The following VPS41 variants were observed in gnomAD, a reference collection of about 807,000 sequenced individuals.
VPS41 encodes vacuolar protein sorting-associated protein 41 homolog.
In VPS41, 85 loss-of-function variants were observed where a neutral mutation model predicts 130.9. The observed-to-expected ratio is 0.65, with a 90% CI of 0.55 to 0.78. The LOEUF is 0.78. Ranked by LOEUF, VPS41 falls within the 30% of genes least tolerant of loss-of-function variation. The probability of loss-of-function intolerance (pLI) is 0.00; values close to 1 mark genes in which losing one functional copy is unlikely to be tolerated. For synonymous variants in VPS41, 335 were observed against 332.9 expected, an observed-to-expected ratio of 1.01 and a Z score of -0.07; for missense variants, 874 against 1,018.7, an observed-to-expected ratio of 0.86 and a Z score of 1.93.
At chr7:38,836,611 ATTTTAAAT>A (rs1288058447) in intron 4 of VPS41, among the ~76,000 whole-genome samples, 1 of 152,150 alleles carries the variant, frequency 6.6e-6, no homozygotes, top group Non-Finnish European at 1.5e-5. Flanking sequence ...CTTATTACAC[ATTTTAAAT>A]TTTTATTTGG....
At chr7:38,771,118 T>C in intron 14 of VPS41, 80 bp downstream of exon 14, 1 of 1,035,862 alleles carries the variant, frequency 9.7e-7, no homozygotes, top group Non-Finnish European at 1.5e-6. Flanking sequence ...GAAAAACCTG[T>C]TCTTTTCAAA....
intron 1 of VPS41, among the ~76,000 whole-genome samples, chr7:38,907,737 C>T (rs1787298919): frequency 6.6e-6 from 1 of 152,024 alleles, no homozygotes; most frequent in Admixed American, 6.6e-5. Context: ...AATGGTTTTT[C>T]TAGGAGCAAC....
intron 11 of VPS41, chr7:38,775,385 T>C (rs1201828537): frequency 6.6e-6 from 1 of 152,186 alleles, no homozygotes; most frequent in Non-Finnish European, 1.5e-5. Context: ...CTTTGGCATT[T>C]ATTCCCTTCA....
intron 14 of VPS41, among the ~76,000 whole-genome samples, chr7:38,767,821 A>C (rs972808960): frequency 6.6e-6 from 1 of 152,214 alleles, no homozygotes; most frequent in Admixed American, 6.5e-5. Flanking sequence ...AGGTCAGGTC[A>C]TTAAAAAAAG....
intron 4 of VPS41, among the ~76,000 whole-genome samples, chr7:38,861,533 G>A (rs774787138): frequency 6.6e-6 from 1 of 152,160 alleles, no homozygotes; most frequent in Non-Finnish European, 1.5e-5. Context: ...TTCCCTGTCT[G>A]TGTTGCTCCA....
At chr7:38,780,974 C>T (rs1190150165) in intron 10 of VPS41, among the ~76,000 whole-genome samples, 1 of 152,282 alleles carries the variant, frequency 6.6e-6, no homozygotes, top group South Asian at 2.1e-4. Context: ...TCTCCCACTT[C>T]GTCTTCCACC....
At chr7:38,761,905 T>C (rs181593287) in intron 17 of VPS41, among the ~76,000 whole-genome samples, 2 of 152,244 alleles carry the variant, frequency 1.3e-5, no homozygotes, top group African/African-American at 4.8e-5. Flanking sequence ...TAAGACTATA[T>C]AAGATAAAAT....
At chr7:38,795,278 A>G (rs1784597784) in intron 9 of VPS41, among the ~76,000 whole-genome samples, 187 bp downstream of exon 9, 1 of 152,252 alleles carries the variant, frequency 6.6e-6, no homozygotes, top group African/African-American at 2.4e-5. Flanking sequence ...CATGCCATGG[A>G]AAAGAAAGAA....
intron 22 of VPS41, among the ~76,000 whole-genome samples, chr7:38,748,915 A>G (rs1179386271): frequency 2.6e-5 from 4 of 152,128 alleles, no homozygotes; most frequent in African/African-American, 9.7e-5. Flanking sequence ...TGTCATGTAT[A>G]AAACGACTCT....
chr7:38,848,707 C>T (rs1008407237), intron 4 of VPS41, among the ~76,000 whole-genome samples: 2 of 152,158 alleles, frequency 1.3e-5, no homozygotes, highest in Admixed American at 6.5e-5. Flanking sequence ...AACTAATGAA[C>T]GTGTGGCAGG....
chr7:38,833,221 C>T (rs574907992), intron 4 of VPS41, among the ~76,000 whole-genome samples: 1 of 152,292 alleles, frequency 6.6e-6, no homozygotes, highest in East Asian at 1.9e-4. Context: ...ATATGGATTA[C>T]CCTAATGGTC....
rs752621233 is a variant in VPS41 at position 38,728,685 on chromosome 7, T to C, written c.2359+7A>G. 6.2e-7 allele frequency: 1 copy of C among 1,614,140 alleles called. No individual in the cohort carries two copies. Among genetic ancestry groups the C allele is most frequent in the South Asian group, 1.1e-5 (1 of 91,082 alleles). On this transcript the variant is annotated splice_region_variant and intron_variant, in intron 26 of 28. Coordinates refer to ENST00000310301, the MANE Select transcript of VPS41 (RefSeq NM_014396.4). ...TGGTTCCATATGATTATTTCAATTT[T>C]ACCCACCATCAACAAGAACACCTTT...
chr7:38,726,676 C>T (rs905281093), intron 28 of VPS41, among the ~76,000 whole-genome samples: 13 of 152,190 alleles, frequency 8.5e-5, no homozygotes, highest in African/African-American at 2.4e-4. Context: ...GTCAACTGGG[C>T]CTGAATGAAT....
chr7:38,868,397 C>T (rs143442509), intron 3 of VPS41, among the ~76,000 whole-genome samples: 7 of 152,232 alleles, frequency 4.6e-5, no homozygotes, highest in African/African-American at 1.4e-4. Flanking sequence ...GGGTGGGAAG[C>T]AAGCGGGAGG....
rs966981992 is a variant in VPS41, at chr7:38,878,069, C to T, written c.61-8816G>A. On this transcript the variant is annotated intron_variant, in intron 2 of 28. Coordinates refer to ENST00000310301, the MANE Select transcript of VPS41 (RefSeq NM_014396.4). The stretch of plus-strand genomic sequence containing the variant: ...TTCCACAGGCTGAGACTCTAAACCT[C>T]TATCACCTGGGCAGTGCCCTCCATG... Among the ~76,000 whole-genome samples the T allele has an allele frequency of 6.6e-5, 10 of 152,326 alleles. No individual in the cohort carries two copies. The East Asian group carries it at 1.7e-3, about 26-fold the overall frequency.
chr7:38,758,547 A>T (rs1269119184), intron 17 of VPS41, 66 bp from the exon 18 acceptor site: 14 of 1,498,482 alleles, frequency 9.3e-6, no homozygotes, highest in Non-Finnish European at 1.2e-5. Flanking sequence ...GATATTGTGA[A>T]ATATACATTT....
intron 25 of VPS41, among the ~76,000 whole-genome samples, chr7:38,737,745 T>C (rs1434335319): frequency 1.3e-5 from 2 of 152,202 alleles, no homozygotes; most frequent in Non-Finnish European, 2.9e-5. Flanking sequence ...TGGAAACTCC[T>C]GAGTGTTGTG....
chr7:38,758,411 C>G lies in VPS41; in HGVS notation c.1493G>C (p.Arg498Pro). Reference protein sequence around the residue: ...YNNSVIVQAVRDHLKKDSQNK... With the variant: ...YNNSVIVQAVPDHLKKDSQNK... ...CTGACTATCTTTCTTCAAATGATCC[C>G]GAACTGCTTGAACTATGACTGAATT... Residue 498 changes from arginine to proline, a missense_variant, in exon 18 of 29, where the codon CGG becomes CCG. Arg to Pro is a moderately radical substitution (Grantham distance 103). Coordinates refer to ENST00000310301, the MANE Select transcript of VPS41 (RefSeq NM_014396.4). 1 of 1,613,402 alleles carries G rather than the reference C, an allele frequency of 6.2e-7. No individual in the cohort carries two copies. Among genetic ancestry groups the G allele is most frequent in the Non-Finnish European group, 8.5e-7 (1 of 1,179,618 alleles).
In VPS41 at chr7:38,772,553, A is replaced by G. The variant is rs1784173052; in HGVS notation, c.1097T>C (p.Ile366Thr). ...VAKERDQDDH[I>T]DWLLEKKKYE... The stretch of plus-strand genomic sequence containing the variant: ...TTTCTTCTTTTCAAGGAGCCAGTCA[A>G]TGTGATCATCTTGGTCTCGTTCCTT... Residue 366 changes from isoleucine to threonine, a missense_variant, in exon 13 of 29, where the codon ATT becomes ACT. Physicochemically the swap from Ile to Thr is moderately conservative, Grantham distance 89 (BLOSUM62 -1). Coordinates refer to ENST00000310301, the MANE Select transcript of VPS41 (RefSeq NM_014396.4). 1.2e-6 allele frequency: 2 copies of G among 1,613,094 alleles called. No individual in the cohort carries two copies. The highest frequency in any genetic ancestry group is 1.7e-6 in the Non-Finnish European group (2 of 1,179,432).
Sources: allele counts gnomAD v4.1 joint callset (sites outside exome capture counted in the v4.1 genomes callset), GRCh38; gene constraint gnomAD v4.1.1; transcripts MANE v1.5; gene names NCBI Gene and HGNC (gene_info 2026-07-23, HGNC 2026-07-21).